The following PIK3R5 variants were observed in gnomAD, a reference collection of about 807,000 sequenced individuals.
PIK3R5 encodes phosphoinositide 3-kinase regulatory subunit 5.
In PIK3R5, 32 loss-of-function variants were observed where a neutral mutation model predicts 94.9. That is an observed-to-expected ratio of 0.34 (90% CI 0.25 to 0.45). PIK3R5 has a LOEUF of 0.45. PIK3R5 is among the 20% of genes least tolerant of loss of function. The pLI is 1.00. For missense variants in PIK3R5, 853 were observed against 1,144.6 expected, an observed-to-expected ratio of 0.75 and a Z score of 3.68; for synonymous variants, 443 against 479.4, an observed-to-expected ratio of 0.92 and a Z score of 0.99.
chr17:8,919,608 C>T (rs561892408), intron 1 of PIK3R5, among the ~76,000 whole-genome samples: 1 of 152,276 alleles, frequency 6.6e-6, no homozygotes, highest in African/African-American at 2.4e-5. Flanking sequence ...ATCTTGATGA[C>T]CACCTCATGA....
intron 1 of PIK3R5, among the ~76,000 whole-genome samples, chr17:8,951,802 G>A (rs773943865): frequency 2.6e-5 from 4 of 152,250 alleles, no homozygotes; most frequent in Non-Finnish European, 5.9e-5. Context: ...AAATGTGGAT[G>A]AGACTCAAAA....
intron 13 of PIK3R5, 48 bp from the exon 14 acceptor site, chr17:8,886,370 C>A (rs1287015546): frequency 6.3e-7 from 1 of 1,598,860 alleles, no homozygotes; most frequent in African/African-American, 1.3e-5. Flanking sequence ...CCTGGAGGGG[C>A]CCATTTGGCT....
In PIK3R5 at chr17:8,889,251, G is replaced by T; in HGVS notation, c.812-29C>A. 1 of 1,577,918 alleles carries T rather than the reference G, an allele frequency of 6.3e-7. No individual in the cohort carries two copies. The highest frequency in any genetic ancestry group is 1.1e-5 in the South Asian group (1 of 89,236). On this transcript the variant is annotated intron_variant, in intron 8 of 18. Transcript: ENST00000447110. The surrounding 1 kb of genome is among the most constrained non-coding windows in gnomAD (Gnocchi z 4.1). Reference sequence around the variant, plus strand: ...TAAGAACAGGGAGGATAGGAGAAGAGGGCTGGGAAGAGGCCTTGGAGATTG... The same window carrying T: ...TAAGAACAGGGAGGATAGGAGAAGATGGCTGGGAAGAGGCCTTGGAGATTG...
At chr17:8,899,130 G>T (rs564676532) in intron 5 of PIK3R5, among the ~76,000 whole-genome samples, 1 of 152,256 alleles carries the variant, frequency 6.6e-6, no homozygotes, top group Non-Finnish European at 1.5e-5. Context: ...CAAGAGGGCT[G>T]TGGTGGGCAG....
At chr17:8,942,321 C>T (rs567121737) in intron 1 of PIK3R5, among the ~76,000 whole-genome samples, 2 of 152,258 alleles carry the variant, frequency 1.3e-5, no homozygotes, top group South Asian at 2.1e-4. Flanking sequence ...ACACAGCTGC[C>T]CCTGGAGAGC....
Position 8,888,466 on chromosome 17 carries a change from G to C in PIK3R5, c.1321C>G (p.Arg441Gly). The change falls in exon 10 of 19, where the codon CGG becomes GGG. Residue 441 changes from arginine (R) to glycine (G), a missense_variant. Coordinates refer to ENST00000447110, the MANE Select transcript of PIK3R5 (RefSeq NM_001142633.3). This position sits in a 1 kb window ranked among gnomAD's most constrained non-coding sequence, Gnocchi z 7.8. ...TSQLVLRRDSRSLEGSSDTAL... is the reference protein window; with the variant it reads ...TSQLVLRRDSGSLEGSSDTAL... ...GTGTCCGAGCTGCCCTCCAGGCTCC[G>C]AGAGTCCCTCCGCAGTACCAGCTGG... 2 of 1,601,256 alleles carry C rather than the reference G, an allele frequency of 1.2e-6. No individual in the cohort carries two copies. Among genetic ancestry groups the C allele is most frequent in the South Asian group, 1.1e-5 (1 of 89,780 alleles).
At position 8,917,169 on chromosome 17, in the gene PIK3R5, T is replaced by C. The variant is rs112932824; in HGVS notation, c.-13-5662A>G. Among the ~76,000 whole-genome samples, 238 of 152,088 alleles carry C rather than the reference T, an allele frequency of 1.6e-3. 1 individual carries two copies. Among genetic ancestry groups the C allele is most frequent in the African/African-American group, 5.3e-3 (218 of 41,468 alleles). On this transcript the variant is annotated intron_variant, in intron 1 of 18. Coordinates refer to ENST00000447110, the MANE Select transcript of PIK3R5 (RefSeq NM_001142633.3). ...GAAATTAAGGAGATTGGTTAGTTACTATGGGAGGTGGAGGTGAGAAAAGGG... is the reference window on the plus strand; with the variant it reads ...GAAATTAAGGAGATTGGTTAGTTACCATGGGAGGTGGAGGTGAGAAAAGGG...
At chr17:8,961,866 C>T (rs1165704499) in intron 1 of PIK3R5, among the ~76,000 whole-genome samples, 3 of 152,144 alleles carry the variant, frequency 2.0e-5, no homozygotes, top group Admixed American at 2.0e-4. Context: ...TTCATCAGCC[C>T]CCAACCCCCT....
Position 8,881,156 on chromosome 17 carries a change from T to G in PIK3R5, c.2383-139A>C. The G allele has an allele frequency of 2.9e-6, 2 of 685,224 alleles. No individual in the cohort carries two copies. The highest frequency in any genetic ancestry group is 5.2e-6 in the Non-Finnish European group (2 of 381,316). The allele number at this position is 685,224 out of a possible 1,614,324, so 42.4% of individuals were successfully genotyped here. On this transcript the variant is annotated intron_variant, in intron 17 of 18. Coordinates refer to ENST00000447110, the MANE Select transcript of PIK3R5 (RefSeq NM_001142633.3). This position sits in a 1 kb window ranked among gnomAD's most constrained non-coding sequence, Gnocchi z 4.8. ...GGTTTGTCTGACTGCGCTCCAGGGT[T>G]AATGGCCAGGTCACAGGAGGGAGCC...
intron 1 of PIK3R5, among the ~76,000 whole-genome samples, chr17:8,922,473 C>T (rs866302034): frequency 1.1e-4 from 17 of 152,216 alleles, no homozygotes; most frequent in Middle Eastern, 3.4e-3. Context: ...TCCTATGGCC[C>T]GAGCTTGAAG....
intron 5 of PIK3R5, among the ~76,000 whole-genome samples, chr17:8,901,760 T>C (rs1433548058): frequency 6.6e-6 from 1 of 152,230 alleles, no homozygotes; most frequent in African/African-American, 2.4e-5. Context: ...TTGAGCTCAG[T>C]AACTATTTCT....
chr17:8,895,729 C>G (rs1281533442), intron 5 of PIK3R5, among the ~76,000 whole-genome samples: 1 of 152,184 alleles, frequency 6.6e-6, no homozygotes, highest in East Asian at 1.9e-4. Flanking sequence ...TTCGTATGAG[C>G]TACGTGGACT....
intron 13 of PIK3R5, 43 bp downstream of exon 13, chr17:8,886,434 C>T (rs766885494): frequency 8.1e-6 from 13 of 1,599,108 alleles, no homozygotes; most frequent in Non-Finnish European, 1.1e-5. Flanking sequence ...CCTTGCAGGC[C>T]CGGCAGGTGG....
Position 8,925,976 on chromosome 17 carries a change from C to A in PIK3R5, c.-13-14469G>T, listed in dbSNP as rs1363428581. Among the ~76,000 whole-genome samples the A allele has an allele frequency of 2.0e-5, 3 of 152,168 alleles. No individual in the cohort carries two copies. Among genetic ancestry groups the A allele is most frequent in the Non-Finnish European group, 4.4e-5 (3 of 68,028 alleles). ...GGGAGTTCACATGGTGCTGTGGTCA[C>A]TGAGGCTGTGAACCATGTGAAGCGA... On this transcript the variant is annotated intron_variant, in intron 1 of 18. Transcript: ENST00000447110. The surrounding 1 kb of genome is among the most constrained non-coding windows in gnomAD (Gnocchi z 5.1).
At chr17:8,907,587 T>C (rs1412337359) in intron 3 of PIK3R5, among the ~76,000 whole-genome samples, 4 of 151,878 alleles carry the variant, frequency 2.6e-5, no homozygotes, top group African/African-American at 7.3e-5. Context: ...AAGTACGATT[T>C]TCACCATGCT....
intron 1 of PIK3R5, among the ~76,000 whole-genome samples, chr17:8,947,282 G>A (rs1233520708): frequency 6.6e-6 from 1 of 152,188 alleles, no homozygotes; most frequent in Non-Finnish European, 1.5e-5. Flanking sequence ...CTGTTGGAAG[G>A]TCAAGTTAGT....
intron 3 of PIK3R5, among the ~76,000 whole-genome samples, chr17:8,908,282 C>A (rs2090437233): frequency 6.6e-6 from 1 of 152,176 alleles, no homozygotes; most frequent in Non-Finnish European, 1.5e-5. Flanking sequence ...CCAAGCCTTG[C>A]AGATCAGACC....
chr17:8,958,342 G>A (rs7224864), intron 1 of PIK3R5, among the ~76,000 whole-genome samples: 128,227 of 151,634 alleles, frequency 0.85, 54,479 homozygotes, highest in African/African-American at 0.89. Context: ...CAGTACTGAA[G>A]GAATAAAGCA....
At chr17:8,964,995 G>C (rs183308005) in intron 1 of PIK3R5, among the ~76,000 whole-genome samples, 6 of 110,144 alleles carry the variant, frequency 5.4e-5, no homozygotes, top group African/African-American at 1.6e-4. Flanking sequence ...GCGCACATGC[G>C]CATGCCCACA....
Sources: gnomAD v4.1 joint callset for allele counts (sites outside exome capture counted in the v4.1 genomes callset) on GRCh38, gnomAD v4.1.1 for gene constraint, Gnocchi (gnomAD v3.1) non-coding constraint, MANE v1.5 for transcripts, NCBI Gene and HGNC (gene_info 2026-07-23, HGNC 2026-07-21) for gene names.